The following WDR49 variants were observed in gnomAD, a reference collection of about 807,000 sequenced individuals.
WDR49 encodes the protein cilia- and flagella-associated protein 337.
A neutral mutation model predicts 119.5 loss-of-function variants in WDR49; 107 were observed. That is an observed-to-expected ratio of 0.90 (90% confidence interval 0.77 to 1.05). The LOEUF (loss-of-function observed/expected upper bound fraction) is 1.05, where lower values mean the gene tolerates loss of function less well. Among genes scored for constraint, WDR49 ranks in the 50% least tolerant of loss-of-function variants. The probability of loss-of-function intolerance (pLI) is 0.00; values close to 1 mark genes in which losing one functional copy is unlikely to be tolerated. For synonymous variants in WDR49, 425 were observed against 418.8 expected, an observed-to-expected ratio of 1.01 and a Z score of -0.18; for missense variants, 1,240 against 1,220.5, an observed-to-expected ratio of 1.02 and a Z score of -0.24.
intron 16 of WDR49, among the ~76,000 whole-genome samples, chr3:167,506,261 T>C (rs1475864204): frequency 6.6e-6 from 1 of 152,172 alleles, no homozygotes; most frequent in African/African-American, 2.4e-5. Flanking sequence ...TATAAGACTC[T>C]GAGTTGTTTC....
At chr3:167,556,448 C>T (rs1712932486) in intron 9 of WDR49, among the ~76,000 whole-genome samples, 1 of 152,204 alleles carries the variant, frequency 6.6e-6, no homozygotes, top group Admixed American at 6.5e-5. Context: ...TTCTGGTTAA[C>T]CTACTTAGAC....
At chr3:167,609,936 C>A (rs1166282080) in intron 5 of WDR49, among the ~76,000 whole-genome samples, 1 of 152,164 alleles carries the variant, frequency 6.6e-6, no homozygotes, top group Admixed American at 6.5e-5. Context: ...TTCTACACAA[C>A]CTGGGCCGGA....
At chr3:167,540,416 G>T (rs1711742125) in intron 10 of WDR49, among the ~76,000 whole-genome samples, 1 of 152,072 alleles carries the variant, frequency 6.6e-6, no homozygotes, top group Non-Finnish European at 1.5e-5. Context: ...GTCCCACTGG[G>T]TGACTAGACC....
At chr3:167,592,693 A>G (rs1423142800) in intron 7 of WDR49, among the ~76,000 whole-genome samples, 1 of 152,028 alleles carries the variant, frequency 6.6e-6, no homozygotes, top group African/African-American at 2.4e-5. Context: ...TCAGTCTCCC[A>G]AAGTGCTGGG....
chr3:167,551,352 G>A (rs573743747), intron 10 of WDR49, among the ~76,000 whole-genome samples: 6 of 152,044 alleles, frequency 3.9e-5, no homozygotes, highest in African/African-American at 1.2e-4. Context: ...GAAAAAAAGA[G>A]AGTAAGCTAT....
intron 7 of WDR49, among the ~76,000 whole-genome samples, chr3:167,601,596 T>C (rs1715774066): frequency 6.6e-6 from 1 of 151,924 alleles, no homozygotes; most frequent in Non-Finnish European, 1.5e-5. Flanking sequence ...ACTCTACGGC[T>C]CTAGTGCCAT....
At chr3:167,545,709 C>A (rs1046704662) in intron 10 of WDR49, among the ~76,000 whole-genome samples, 3 of 149,586 alleles carry the variant, frequency 2.0e-5, no homozygotes, top group African/African-American at 7.3e-5. Flanking sequence ...TGGGTACTTG[C>A]GGGGAAGGGT....
intron 18 of WDR49, among the ~76,000 whole-genome samples, chr3:167,494,960 C>A (rs960562812): frequency 3.9e-5 from 6 of 152,292 alleles, no homozygotes; most frequent in African/African-American, 1.2e-4. Context: ...TCAGCACTGA[C>A]CCGGCTCAAG....
intron 7 of WDR49, among the ~76,000 whole-genome samples, chr3:167,596,726 G>T (rs1472253706): frequency 2.4e-4 from 27 of 111,206 alleles, no homozygotes; most frequent in African/African-American, 8.8e-4. Context: ...GTTGTGGGGT[G>T]GGGGGAGGGG....
At chr3:167,537,817 C>T (rs1321606951) in intron 10 of WDR49, among the ~76,000 whole-genome samples, 1 of 152,096 alleles carries the variant, frequency 6.6e-6, no homozygotes, top group Admixed American at 6.6e-5. Context: ...CCATCTAGAT[C>T]TCATGTGAGC....
intron 8 of WDR49, among the ~76,000 whole-genome samples, chr3:167,572,479 G>A (rs76995320): frequency 0.058 from 8,858 of 152,228 alleles, 695 homozygotes; most frequent in African/African-American, 0.17. Context: ...CAAGCAAAGG[G>A]AAAATGTTCA....
At chr3:167,522,088 G>A (rs1240600354) in intron 16 of WDR49, among the ~76,000 whole-genome samples, 1 of 152,004 alleles carries the variant, frequency 6.6e-6, no homozygotes, top group African/African-American at 2.4e-5. Flanking sequence ...AGACTAGATG[G>A]CACTTAATAC....
intron 5 of WDR49, among the ~76,000 whole-genome samples, chr3:167,618,674 C>T (rs2108319732): frequency 6.6e-6 from 1 of 152,214 alleles, no homozygotes; most frequent in East Asian, 1.9e-4. Context: ...TCCTACTTTG[C>T]AGTGATTTAA....
At chr3:167,621,339 T>C in intron 4 of WDR49, 128 bp downstream of exon 4, 2 of 956,748 alleles carry the variant, frequency 2.1e-6, no homozygotes, top group Non-Finnish European at 1.5e-6. Flanking sequence ...CTCTTCCATG[T>C]CCAATGTGCA....
intron 8 of WDR49, 26 bp downstream of exon 8, chr3:167,575,892 A>G (rs1714222017): frequency 6.2e-7 from 1 of 1,606,074 alleles, no homozygotes; most frequent in Non-Finnish European, 8.5e-7. Context: ...ATGTTAGGAG[A>G]GTGAAAGAAA....
chr3:167,630,191 G>A (rs1399000663), intron 2 of WDR49, among the ~76,000 whole-genome samples: 4 of 152,006 alleles, frequency 2.6e-5, no homozygotes, highest in Non-Finnish European at 5.9e-5. Flanking sequence ...TGCCACAGCC[G>A]TCTCAATCGT....
chr3:167,577,738 A>G (rs2108285395), intron 7 of WDR49, among the ~76,000 whole-genome samples: 1 of 152,312 alleles, frequency 6.6e-6, no homozygotes, highest in Admixed American at 6.5e-5. Flanking sequence ...TCTATCCAAC[A>G]TGAAAATTAT....
intron 5 of WDR49, among the ~76,000 whole-genome samples, chr3:167,605,579 A>G (rs1029017784): frequency 2.6e-5 from 4 of 152,210 alleles, no homozygotes; most frequent in Non-Finnish European, 5.9e-5. Context: ...CAATTTTAGT[A>G]CATCATAAAG....
intron 18 of WDR49, among the ~76,000 whole-genome samples, chr3:167,493,741 A>G (rs534715133): frequency 7.9e-5 from 12 of 152,312 alleles, no homozygotes; most frequent in Middle Eastern, 3.4e-3. Flanking sequence ...TCTATCAACT[A>G]TAGTTTCTTT....
Sources: gnomAD v4.1 joint callset for allele counts (sites outside exome capture counted in the v4.1 genomes callset) on GRCh38, gnomAD v4.1.1 for gene constraint, MANE v1.5 for transcripts, NCBI Gene and HGNC (gene_info 2026-07-23, HGNC 2026-07-21) for gene names.